DIS3L2: variants seen among roughly 807,000 people sequenced by gnomAD.
DIS3L2 encodes DIS3-like exonuclease 2.
In DIS3L2, 34 loss-of-function variants were observed where a neutral mutation model predicts 97.5. That is an observed-to-expected ratio of 0.35 (90% CI 0.27 to 0.46). DIS3L2 has a LOEUF of 0.46. DIS3L2 is among the 20% of genes least tolerant of loss of function. The pLI, the probability that DIS3L2 is intolerant of heterozygous loss-of-function variation, is 1.00. For synonymous variants in DIS3L2, 435 were observed against 445.2 expected (o/e 0.98, Z 0.29); for missense variants, 1,038 against 1,146.0 (o/e 0.91, Z 1.36).
chr2:232,213,251 A>G (rs1692236857), intron 10 of DIS3L2, among the ~76,000 whole-genome samples: 1 of 152,284 alleles, frequency 6.6e-6, no homozygotes, highest in Middle Eastern at 3.4e-3. Context: ...TAATACAAAA[A>G]TATTATGAGG....
At chr2:232,048,128 A>AT (rs1264431277) in intron 5 of DIS3L2, among the ~76,000 whole-genome samples, 2 of 152,202 alleles carry the variant, frequency 1.3e-5, no homozygotes, top group African/African-American at 4.8e-5. Flanking sequence ...AACAAAAATG[A>AT]TTTTTAAAAT....
At chr2:232,263,759 C>T (rs1693784899) in intron 13 of DIS3L2, among the ~76,000 whole-genome samples, 1 of 152,148 alleles carries the variant, frequency 6.6e-6, no homozygotes, top group African/African-American at 2.4e-5. Flanking sequence ...AGGCTGTGTC[C>T]AGTCTGTGAT....
intron 14 of DIS3L2, among the ~76,000 whole-genome samples, chr2:232,310,535 C>T (rs1054254734): frequency 5.3e-5 from 8 of 152,238 alleles, no homozygotes; most frequent in African/African-American, 1.9e-4. Flanking sequence ...TCTCACCTCA[C>T]TCCGTGCAGC....
chr2:232,340,477 C>T (rs566949994), downstream of DIS3L2, among the ~76,000 whole-genome samples: 7 of 152,172 alleles, frequency 4.6e-5, no homozygotes, highest in South Asian at 1.0e-3. Context: ...TCTTACTGGT[C>T]GGCCCTGGAG....
At chr2:232,328,031 G>A (rs1279456810) in intron 14 of DIS3L2, among the ~76,000 whole-genome samples, 2 of 152,246 alleles carry the variant, frequency 1.3e-5, no homozygotes, top group Non-Finnish European at 2.9e-5. Context: ...GAGACTTGTA[G>A]TGGGTTAAGG....
At chr2:232,160,908 T>TTTTG (rs926364238) in intron 8 of DIS3L2, among the ~76,000 whole-genome samples, 9 of 152,034 alleles carry the variant, frequency 5.9e-5, no homozygotes, top group East Asian at 3.9e-4. Context: ...ATTCATTCAT[T>TTTTG]TTTGTTTGTT....
chr2:232,268,751 T>C lies in DIS3L2; in HGVS notation c.1659+5311T>C, dbSNP rs1015435383. ...GGTCCATACTTTGCTGACCTCTGCT[T>C]AAACAGCCAGCTAGCAATTCAGCCC... is the stretch of plus-strand genomic sequence containing the variant. On this transcript the variant is annotated intron_variant, in intron 13 of 20. Coordinates refer to ENST00000325385, the MANE Select transcript of DIS3L2 (RefSeq NM_152383.5). This position sits in a 1 kb window ranked among gnomAD's most constrained non-coding sequence, Gnocchi z 4.1. Among the ~76,000 whole-genome samples the C allele has an allele frequency of 6.6e-5, 10 of 152,226 alleles. No individual in the cohort carries two copies. The highest frequency in any genetic ancestry group is 1.0e-4 in the Non-Finnish European group (7 of 68,040).
chr2:232,063,128 C>T (rs1201173802), intron 5 of DIS3L2, among the ~76,000 whole-genome samples: 1 of 152,178 alleles, frequency 6.6e-6, no homozygotes, highest in African/African-American at 2.4e-5. Flanking sequence ...TGCTTCCTCA[C>T]TCAGGGCCTG....
At chr2:232,287,224 A>G (rs1037152031) in intron 13 of DIS3L2, among the ~76,000 whole-genome samples, 5 of 152,112 alleles carry the variant, frequency 3.3e-5, no homozygotes, top group Admixed American at 1.3e-4. Context: ...ATTATTGTGA[A>G]ACTTATTTTT....
At position 232,237,179 on chromosome 2, in the gene DIS3L2, A is replaced by G. The variant is rs539853810; in HGVS notation, c.1205-1354A>G. 9.3e-4 allele frequency among the ~76,000 whole-genome samples: 142 copies of G among 152,218 alleles called. 2 individuals are homozygous for G. In the South Asian group the frequency reaches 0.028, roughly 30 times the overall value. On this transcript the variant is annotated intron_variant, in intron 10 of 20. Coordinates refer to ENST00000325385, the MANE Select transcript of DIS3L2 (RefSeq NM_152383.5). ...TATGTATGTGTATATTTTTATTTTC[A>G]CATACACTATATTTGATAGGTGATT...
chr2:232,133,947 C>T (rs1698286135), intron 7 of DIS3L2, among the ~76,000 whole-genome samples: 1 of 127,016 alleles, frequency 7.9e-6, no homozygotes, highest in South Asian at 2.4e-4. Flanking sequence ...GAAATCGTGC[C>T]ACCGTATTCT....
At chr2:232,025,840 G>A (rs1463286324) in intron 4 of DIS3L2, among the ~76,000 whole-genome samples, 1 of 152,030 alleles carries the variant, frequency 6.6e-6, no homozygotes, top group Non-Finnish European at 1.5e-5. Flanking sequence ...TTTCCCATAA[G>A]AAAGCATGAC....
chr2:231,987,017 A>G (rs1320763756), intron 1 of DIS3L2, among the ~76,000 whole-genome samples: 1 of 152,202 alleles, frequency 6.6e-6, no homozygotes. Flanking sequence ...ACTTTATGGA[A>G]GTATTAAATA....
chr2:232,270,904 CTCTCTCTCTCTG>C (rs1223823071), intron 13 of DIS3L2, among the ~76,000 whole-genome samples: 89 of 139,592 alleles, frequency 6.4e-4, no homozygotes, highest in Admixed American at 1.9e-3. Flanking sequence ...CTCTCTCTCT[CTCTCTCTCTCTG>C]TCTCGTCTCT....
chr2:232,319,961 G>A (rs1023919825), intron 14 of DIS3L2, among the ~76,000 whole-genome samples: 4 of 152,220 alleles, frequency 2.6e-5, no homozygotes, highest in South Asian at 2.1e-4. Context: ...TGGCGTCGGG[G>A]AAAGGGCTGA....
intron 6 of DIS3L2, among the ~76,000 whole-genome samples, chr2:232,103,522 C>G (rs1697263604): frequency 6.6e-6 from 1 of 152,164 alleles, no homozygotes; most frequent in Non-Finnish European, 1.5e-5. Flanking sequence ...ATAATTCTTG[C>G]ATTCCTCATC....
intron 5 of DIS3L2, among the ~76,000 whole-genome samples, chr2:232,077,992 TC>T (rs1696260135): frequency 2.1e-5 from 3 of 142,664 alleles, no homozygotes; most frequent in Non-Finnish European, 3.0e-5. Context: ...TTTCTTTCTT[TC>T]TTTCTTTCTT....
intron 14 of DIS3L2, among the ~76,000 whole-genome samples, chr2:232,307,096 C>T (rs1390899689): frequency 2.0e-5 from 3 of 152,252 alleles, no homozygotes; most frequent in East Asian, 1.9e-4. Flanking sequence ...GGCCCTGTGC[C>T]GTGCCTGTCT....
intron 8 of DIS3L2, among the ~76,000 whole-genome samples, chr2:232,148,089 C>T (rs1405660200): frequency 1.4e-5 from 2 of 139,194 alleles, no homozygotes; most frequent in Admixed American, 7.4e-5. Flanking sequence ...CTCACTGTGT[C>T]GCCAGGCTGG....
Sources: gnomAD v4.1 joint callset for allele counts (sites outside exome capture counted in the v4.1 genomes callset) on GRCh38, gnomAD v4.1.1 for gene constraint, Gnocchi (gnomAD v3.1) non-coding constraint, MANE v1.5 for transcripts, NCBI Gene and HGNC (gene_info 2026-07-23, HGNC 2026-07-21) for gene names.